Variants in DYM observed in about 807,000 individuals in gnomAD.
DYM encodes dyggve-Melchior-Clausen syndrome protein.
Under a neutral mutation model 93.1 loss-of-function variants are expected in DYM, and 78 were observed. The observed-to-expected ratio is 0.84, with a 90% CI of 0.70 to 1.01. DYM has a LOEUF of 1.01. Among genes scored for constraint, DYM ranks in the 50% least tolerant of loss-of-function variants. The pLI is 0.00. For synonymous variants in DYM, 321 were observed against 319.7 expected (o/e 1.00, Z -0.04); for missense variants, 789 against 845.0 (o/e 0.93, Z 0.82).
At chr18:49,202,279 G>T (rs566705301) in intron 14 of DYM, among the ~76,000 whole-genome samples, 17 of 152,226 alleles carry the variant, frequency 1.1e-4, no homozygotes, top group Admixed American at 2.6e-4. Flanking sequence ...CAACACACAG[G>T]GGGTGGTGGA....
intron 17 of DYM, among the ~76,000 whole-genome samples, chr18:49,088,829 T>A (rs2078791137): frequency 6.6e-6 from 1 of 152,180 alleles, no homozygotes; most frequent in Non-Finnish European, 1.5e-5. Context: ...ATCTTGTCTG[T>A]CACCCAGGGT....
At position 49,044,106 on chromosome 18, in the gene DYM, G is replaced by T; in HGVS notation, c.2124C>A (p.Gly708=). The T allele has an allele frequency of 6.2e-7, 1 of 1,614,054 alleles. No individual in the cohort carries two copies. Among genetic ancestry groups the T allele is most frequent in the Non-Finnish European group, 8.5e-7 (1 of 1,180,026 alleles). The change falls in exon 18 of 18, where the codon GGC becomes GGA. Residue 708 remains glycine (G), a synonymous_variant. Transcript: ENST00000675505. ...GGATGTCCTGTGGATTCCAGTACAG[G>T]CCGACTGCTGAGTTGTAGACAAGAG... ...VWSLVYNSAV[G]LYWNPQDIQL...
intron 17 of DYM, among the ~76,000 whole-genome samples, chr18:49,094,834 TGGCTCATC>T (rs2079398523): frequency 1.3e-5 from 2 of 152,362 alleles, no homozygotes; most frequent in Non-Finnish European, 2.9e-5. Context: ...CTAAAACTTT[TGGCTCATC>T]GGCTTCAGCT....
chr18:49,298,637 T>C (rs180866157), intron 8 of DYM, among the ~76,000 whole-genome samples: 103 of 151,862 alleles, frequency 6.8e-4, no homozygotes, highest in African/African-American at 2.4e-3. Context: ...TGGCATAATA[T>C]ATGTCATATG....
intron 1 of DYM, among the ~76,000 whole-genome samples, chr18:49,460,068 G>A (rs1568484635): frequency 6.6e-6 from 1 of 152,184 alleles, no homozygotes; most frequent in Non-Finnish European, 1.5e-5. Flanking sequence ...AATGTAAAAA[G>A]AAGAAAGAAA....
intron 17 of DYM, among the ~76,000 whole-genome samples, chr18:49,084,391 A>G (rs2078315267): frequency 6.6e-6 from 1 of 152,144 alleles, no homozygotes; most frequent in South Asian, 2.1e-4. Context: ...TCTATCCTGG[A>G]GAGTGTTCCA....
intron 11 of DYM, among the ~76,000 whole-genome samples, chr18:49,264,700 T>C (rs1261491549): frequency 6.6e-6 from 1 of 152,148 alleles, no homozygotes; most frequent in Non-Finnish European, 1.5e-5. Context: ...CATCTACATC[T>C]GACAAGAAGA....
chr18:49,184,586 G>C (rs1311261305), intron 14 of DYM, among the ~76,000 whole-genome samples: 1 of 152,086 alleles, frequency 6.6e-6, no homozygotes, highest in African/African-American at 2.4e-5. Flanking sequence ...ATATACTATG[G>C]TTTTTTGATC....
At chr18:49,086,950 C>T (rs934985309) in intron 17 of DYM, among the ~76,000 whole-genome samples, 5 of 151,548 alleles carry the variant, frequency 3.3e-5, no homozygotes, top group Non-Finnish European at 4.4e-5. Flanking sequence ...ATCATGCCAC[C>T]GCACTCTAGC....
chr18:49,363,294 A>G (rs1355826549), intron 5 of DYM, 61 bp from the exon 6 acceptor site: 2 of 1,192,950 alleles, frequency 1.7e-6, no homozygotes, highest in African/African-American at 1.5e-5. Flanking sequence ...ACAGTTGTTC[A>G]GAAGTTACAT....
intron 13 of DYM, among the ~76,000 whole-genome samples, chr18:49,251,488 A>C (rs1402487398): frequency 1.3e-5 from 2 of 152,190 alleles, no homozygotes; most frequent in Non-Finnish European, 2.9e-5. Context: ...GGGGATTTAA[A>C]AGGAAGAGTA....
chr18:49,130,721 G>C (rs1379741661), intron 15 of DYM, among the ~76,000 whole-genome samples: 1 of 152,152 alleles, frequency 6.6e-6, no homozygotes, highest in African/African-American at 2.4e-5. Flanking sequence ...TGTATGACTT[G>C]GTAGGTGCTA....
chr18:49,428,096 A>T (rs2074459039), intron 2 of DYM, among the ~76,000 whole-genome samples: 1 of 152,286 alleles, frequency 6.6e-6, no homozygotes, highest in Admixed American at 6.5e-5. Flanking sequence ...GTCTCAAAAA[A>T]AAAAGAAAAA....
At chr18:49,253,131 T>C (rs920982943) in intron 13 of DYM, among the ~76,000 whole-genome samples, 1 of 152,188 alleles carries the variant, frequency 6.6e-6, no homozygotes, top group Non-Finnish European at 1.5e-5. Context: ...GTTATCTGTT[T>C]TGCATTTTGT....
chr18:49,342,671 C>A (rs146532236), intron 6 of DYM, among the ~76,000 whole-genome samples: 1 of 152,074 alleles, frequency 6.6e-6, no homozygotes, highest in Non-Finnish European at 1.5e-5. Context: ...AACAATGGAC[C>A]ACATATATGA....
chr18:49,433,456 G>A (rs1314566319), intron 1 of DYM, among the ~76,000 whole-genome samples: 2 of 152,182 alleles, frequency 1.3e-5, no homozygotes, highest in African/African-American at 4.8e-5. Flanking sequence ...CTACTGAGAA[G>A]ATTCCAGAAG....
At chr18:49,378,075 A>T (rs2067683144) in intron 5 of DYM, among the ~76,000 whole-genome samples, 1 of 152,224 alleles carries the variant, frequency 6.6e-6, no homozygotes. Context: ...TTGGCATCAT[A>T]AAACTGTCCT....
chr18:49,296,492 G>A (rs974196350), intron 8 of DYM, among the ~76,000 whole-genome samples: 2 of 152,012 alleles, frequency 1.3e-5, no homozygotes, highest in African/African-American at 4.8e-5. Flanking sequence ...CCCTACCCAC[G>A]CAGCTTCAGT....
chr18:49,186,186 A>T (rs1600440453), intron 14 of DYM, among the ~76,000 whole-genome samples: 1 of 152,096 alleles, frequency 6.6e-6, no homozygotes, highest in East Asian at 1.9e-4. Context: ...TCACTTAATA[A>T]TCACTTTATT....
Sources: gnomAD v4.1 joint callset for allele counts (sites outside exome capture counted in the v4.1 genomes callset) on GRCh38, gnomAD v4.1.1 for gene constraint, MANE v1.5 for transcripts, NCBI Gene and HGNC (gene_info 2026-07-23, HGNC 2026-07-21) for gene names.